Variants in ADGRE3 observed in about 807,000 individuals in gnomAD.
The protein encoded by ADGRE3 is EGF-like module receptor 3.
ADGRE3 carries 88 observed loss-of-function variants against 80.1 expected under a neutral mutation model. The ratio of observed to expected loss-of-function variants is 1.10; its 90% CI spans 0.93 to 1.31. ADGRE3 has a LOEUF of 1.31. Among genes scored for constraint, ADGRE3 ranks in the 40% most tolerant of loss-of-function variants. The pLI is 0.00. For missense variants in ADGRE3, 715 were observed against 776.5 expected (o/e 0.92, Z 0.94); for synonymous variants, 281 against 294.8 (o/e 0.95, Z 0.48).
At chr19:14,651,636 G>C (rs559563957) in intron 6 of ADGRE3, among the ~76,000 whole-genome samples, 6 of 152,168 alleles carry the variant, frequency 3.9e-5, no homozygotes, top group Non-Finnish European at 5.9e-5. Context: ...CTCAGAAAAC[G>C]ATTGTGGATG....
chr19:14,654,884 C>T, intron 6 of ADGRE3, 98 bp downstream of exon 6: 1 of 852,354 alleles, frequency 1.2e-6, no homozygotes, highest in South Asian at 2.0e-5. Flanking sequence ...CATAAAGGGA[C>T]TCATGTGGTG....
chr19:14,635,139 C>G (rs1435281540), intron 11 of ADGRE3, among the ~76,000 whole-genome samples: 2 of 152,080 alleles, frequency 1.3e-5, no homozygotes, highest in Non-Finnish European at 2.9e-5. Context: ...CTCTGTCACT[C>G]AGGCTGTGGT....
intron 11 of ADGRE3, among the ~76,000 whole-genome samples, chr19:14,636,118 CTTTCTTTCTTTCTTTCTTTCTTT>C (rs1971062944): frequency 1.6e-5 from 1 of 63,770 alleles, no homozygotes; most frequent in Non-Finnish European, 3.3e-5. Context: ...TTCTTTCTTT[CTTTCTTTCTTTCTTTCTTTCTTT>C]CTTTCTTTCT....
chr19:14,643,870 T>C (rs1201722542), intron 9 of ADGRE3, among the ~76,000 whole-genome samples: 1 of 151,948 alleles, frequency 6.6e-6, no homozygotes, highest in African/African-American at 2.4e-5. Flanking sequence ...ACCACTATGT[T>C]TGGCGAATTT....
At chr19:14,655,699 C>T (rs1250588375) in intron 5 of ADGRE3, among the ~76,000 whole-genome samples, 4 of 151,746 alleles carry the variant, frequency 2.6e-5, no homozygotes, top group Admixed American at 6.6e-5. Context: ...TGGGCTCAAA[C>T]GATTCTCCTG....
intron 11 of ADGRE3, 144 bp from the exon 12 acceptor site, chr19:14,633,446 C>T (rs750886138): frequency 2.9e-4 from 156 of 542,690 alleles, no homozygotes; most frequent in Non-Finnish European, 4.3e-4. Flanking sequence ...GTGGCTCACG[C>T]CTGTAATCCC....
chr19:14,620,672 C>T (rs112728482), intron 15 of ADGRE3, among the ~76,000 whole-genome samples: 10,115 of 136,700 alleles, frequency 0.074, 466 homozygotes, highest in Non-Finnish European at 0.097. Flanking sequence ...CTCATTGCAA[C>T]CTCTGCCTCC....
At chr19:14,620,548 T>TATATATAATATATATA in intron 15 of ADGRE3, among the ~76,000 whole-genome samples, 7 of 24,974 alleles carry the variant, frequency 2.8e-4, no homozygotes, top group Non-Finnish European at 4.4e-4. Context: ...TATATATATA[T>TATATATAATATATATA]TATATATATA....
Position 14,658,559 on chromosome 19 carries a change from G to A in ADGRE3, c.356-9C>T, listed in dbSNP as rs373732973. The stretch of plus-strand genomic sequence containing the variant: ...CTTTGAGGAGGTGGTGTCTGCAAAA[G>A]ACATCATGATGGAGTTACTATTGGA... On this transcript the variant is annotated splice_polypyrimidine_tract_variant and intron_variant, in intron 4 of 15. Coordinates refer to ENST00000253673, the MANE Select transcript of ADGRE3 (RefSeq NM_032571.5). 3 of 1,553,304 alleles carry A rather than the reference G, an allele frequency of 1.9e-6. No homozygotes were observed. Among genetic ancestry groups the A allele is most frequent in the South Asian group, 1.2e-5 (1 of 83,250 alleles).
At chr19:14,603,607 G>C in the ADGRE3 span, among the ~76,000 whole-genome samples, 3,317 of 151,736 alleles carry the variant, frequency 0.022, 48 homozygotes, top group Middle Eastern at 0.037. Flanking sequence ...CTATAGTCAC[G>C]TGCCACCACT....
chr19:14,623,663 C>T (rs1032391695), intron 15 of ADGRE3, among the ~76,000 whole-genome samples: 9 of 152,184 alleles, frequency 5.9e-5, no homozygotes, highest in Non-Finnish European at 8.8e-5. Flanking sequence ...TGTTCCATGG[C>T]GTACCGTCAC....
chr19:14,659,290 G>T (rs941451125), intron 4 of ADGRE3, among the ~76,000 whole-genome samples: 1 of 151,730 alleles, frequency 6.6e-6, no homozygotes, highest in Non-Finnish European at 1.5e-5. Flanking sequence ...CAATCCACCC[G>T]CCTTGGCCTC....
rs1286298567 is a variant in ADGRE3 at position 14,623,292 on chromosome 19, A to T, written c.1920+2200T>A. The stretch of plus-strand genomic sequence containing the variant: ...AAATATGCCTAAAATACTTAAAAAA[A>T]AAAAAATAAAAAAAAAAAAAAATAA... On this transcript the variant is annotated intron_variant, in intron 15 of 15. Transcript: ENST00000253673. Among the ~76,000 whole-genome samples the T allele has an allele frequency of 5.4e-4, 12 of 22,208 alleles. 3 individuals carry two copies. The highest frequency in any genetic ancestry group is 1.9e-3 in the South Asian group (1 of 528). 14.6% of individuals were successfully genotyped at this position (22,208 alleles called of 152,430 possible). A position where few individuals can be genotyped will look rare whatever the true frequency, so the allele number is the denominator to read the frequency against.
chr19:14,626,950 G>T (rs576265293), intron 14 of ADGRE3, among the ~76,000 whole-genome samples: 27 of 152,262 alleles, frequency 1.8e-4, no homozygotes, highest in South Asian at 6.2e-4. Context: ...GCAGTACGAA[G>T]CCTTCAGGCA....
the ADGRE3 span, among the ~76,000 whole-genome samples, chr19:14,613,389 A>G: frequency 7.4e-6 from 1 of 135,784 alleles, no homozygotes; most frequent in Non-Finnish European, 1.6e-5. Flanking sequence ...CACCCAGCTA[A>G]TTTTAATTTT....
At chr19:14,631,774 C>T (rs74770749) in intron 13 of ADGRE3, among the ~76,000 whole-genome samples, 15,131 of 151,914 alleles carry the variant, frequency 0.1, 914 homozygotes, top group African/African-American at 0.16. Context: ...GTGTGTGTGT[C>T]GGTCTGTTCT....
intron 8 of ADGRE3, 52 bp from the exon 9 acceptor site, chr19:14,644,327 T>C (rs1971340922): frequency 3.5e-6 from 4 of 1,130,844 alleles, no homozygotes; most frequent in African/African-American, 1.6e-5. Flanking sequence ...CTTTCTTTCT[T>C]TTTTTTTTTT....
chr19:14,650,615 T>A (rs369765125), intron 7 of ADGRE3, among the ~76,000 whole-genome samples: 1 of 139,344 alleles, frequency 7.2e-6, no homozygotes, highest in Admixed American at 7.4e-5. Flanking sequence ...TCTCATCTCT[T>A]GCTCTCTGTC....
intron 6 of ADGRE3, among the ~76,000 whole-genome samples, chr19:14,653,957 T>G (rs10411112): frequency 5.4e-5 from 7 of 128,864 alleles, no homozygotes; most frequent in African/African-American, 2.2e-4. Flanking sequence ...TTTTTTTTTT[T>G]TTTTTTTTAA....
Sources: gnomAD v4.1 joint callset for allele counts (sites outside exome capture counted in the v4.1 genomes callset) on GRCh38, gnomAD v4.1.1 for gene constraint, MANE v1.5 for transcripts, NCBI Gene and HGNC (gene_info 2026-07-23, HGNC 2026-07-21) for gene names.